Variants in STAMBP observed in about 807,000 individuals in gnomAD.
The protein encoded by STAMBP is STAM binding protein, also known as STAM-binding protein.
A neutral mutation model predicts 50.7 loss-of-function variants in STAMBP; 31 were observed. The observed-to-expected ratio is 0.61, with a 90% confidence interval of 0.46 to 0.83. The LOEUF (loss-of-function observed/expected upper bound fraction) is 0.83. Ranked by LOEUF, STAMBP falls within the 40% of genes least tolerant of loss-of-function variation. The pLI is 0.00. For synonymous variants in STAMBP, 211 were observed against 192.4 expected, an observed-to-expected ratio of 1.10 and a Z score of -0.80; for missense variants, 472 against 518.9, an observed-to-expected ratio of 0.91 and a Z score of 0.88.
chr2:73,873,507 C>T (rs764713482), exon 11 of STAMBP: 4 of 152,190 alleles, frequency 2.6e-5, no homozygotes, highest in Non-Finnish European at 5.9e-5. Context: ...TACTTATGAA[C>T]TTGGGAATAC....
rs1349687819 is a variant in STAMBP, at chr2:73,862,472, A to G, written c.*213A>G. Reference sequence around the variant, plus strand: ...CAGAAAGAGAACATGGTCACCCAAAAGCAACTGTAACTCAGAAATTAAGTT... The same window carrying G: ...CAGAAAGAGAACATGGTCACCCAAAGGCAACTGTAACTCAGAAATTAAGTT... On this transcript the variant is annotated 3_prime_UTR_variant, in exon 10 of 10. Transcript: ENST00000394070. The G allele has an allele frequency of 1.1e-5, 4 of 371,616 alleles. No individual in the cohort carries two copies. The highest frequency in any genetic ancestry group is 1.9e-5 in the Non-Finnish European group (4 of 205,612). The allele number at this position is 371,616 out of a possible 1,614,324, so 23.0% of individuals were successfully genotyped here.
chr2:73,852,741 G>A (rs1025412057), intron 7 of STAMBP, among the ~76,000 whole-genome samples: 1 of 151,994 alleles, frequency 6.6e-6, no homozygotes, highest in African/African-American at 2.4e-5. Flanking sequence ...GTGCAGTGGC[G>A]CAATCTTGGC....
At chr2:73,845,388 C>T in intron 4 of STAMBP, 126 bp downstream of exon 4, 1 of 673,684 alleles carries the variant, frequency 1.5e-6, no homozygotes, top group Non-Finnish European at 2.5e-6. Flanking sequence ...GGGCAAAGAC[C>T]AGAAACTCAA....
downstream of STAMBP, among the ~76,000 whole-genome samples, chr2:73,868,892 AAG>A (rs1679080221): frequency 6.6e-6 from 1 of 151,752 alleles, no homozygotes; most frequent in East Asian, 1.9e-4. Flanking sequence ...AAGAAAAAAA[AAG>A]AAAGCAAGAA....
Position 73,863,759 on chromosome 2 carries a change from C to T in STAMBP, c.*1500C>T, listed in dbSNP as rs1368796143. On this transcript the variant is annotated 3_prime_UTR_variant, in exon 10 of 10. Coordinates refer to ENST00000394070, the MANE Select transcript of STAMBP (RefSeq NM_213622.4). ...AGTCCTCTGCTTTTGGGAAATCCAT[C>T]CCCTTCTTCCCATTCTTTGTCTACC... 6.6e-6 allele frequency: 1 copy of T among 152,252 alleles called. No homozygotes were observed. Among genetic ancestry groups the T allele is most frequent in the Non-Finnish European group, 1.5e-5 (1 of 68,072 alleles). 9.4% of individuals were successfully genotyped at this position (152,252 alleles called of 1,614,324 possible).
At chr2:73,846,192 C>CT (rs921427216) in intron 4 of STAMBP, among the ~76,000 whole-genome samples, 30 of 145,894 alleles carry the variant, frequency 2.1e-4, no homozygotes, top group East Asian at 9.9e-4. Flanking sequence ...TTCTTTCTTT[C>CT]TTTTTTTTTT....
chr2:73,851,143 T>G (rs1676757574), intron 7 of STAMBP, among the ~76,000 whole-genome samples: 1 of 152,240 alleles, frequency 6.6e-6, no homozygotes, highest in Admixed American at 6.5e-5. Context: ...ACAAATAAAT[T>G]GGCTTATTCT....
intron 10 of STAMBP, among the ~76,000 whole-genome samples, chr2:73,872,563 C>T (rs1679242427): frequency 6.6e-6 from 1 of 152,190 alleles, no homozygotes; most frequent in South Asian, 2.1e-4. Context: ...TAAAGGAGCC[C>T]TACTCTCACA....
intron 7 of STAMBP, among the ~76,000 whole-genome samples, chr2:73,851,637 ATTTTTTT>A (rs61483994): frequency 7.4e-6 from 1 of 135,692 alleles, no homozygotes; most frequent in African/African-American, 2.7e-5. Flanking sequence ...ACAGTGGTAG[ATTTTTTT>A]TTTTTTTTTT....
At position 73,863,966 on chromosome 2, in the gene STAMBP, T is replaced by G. The variant is rs1375641397; in HGVS notation, c.*1707T>G. 1 of 152,222 alleles carries G rather than the reference T, an allele frequency of 6.6e-6. No individual in the cohort carries two copies. The highest frequency in any genetic ancestry group is 1.5e-5 in the Non-Finnish European group (1 of 68,050). The allele number at this position is 152,222 out of a possible 1,614,324, so 9.4% of individuals were successfully genotyped here. On this transcript the variant is annotated 3_prime_UTR_variant, in exon 10 of 10. Coordinates refer to ENST00000394070, the MANE Select transcript of STAMBP (RefSeq NM_213622.4). The stretch of plus-strand genomic sequence containing the variant: ...CTCAAAAACCTGCAATAGCTTCCCA[T>G]TGCTGAAAATCTAAATTTAGCTTTT...
At chr2:73,858,924 C>G (rs1045133495) in intron 7 of STAMBP, among the ~76,000 whole-genome samples, 8 of 151,838 alleles carry the variant, frequency 5.3e-5, no homozygotes, top group African/African-American at 1.5e-4. Flanking sequence ...CCCAGACCCC[C>G]CAATGGATGC....
chr2:73,836,971 G>T (rs1674790549), intron 2 of STAMBP, among the ~76,000 whole-genome samples: 1 of 152,180 alleles, frequency 6.6e-6, no homozygotes, highest in Non-Finnish European at 1.5e-5. Context: ...CTAGTGAAGG[G>T]GCTCTTAATC....
At chr2:73,835,832 T>A (rs1339848986) in intron 2 of STAMBP, among the ~76,000 whole-genome samples, 1 of 152,084 alleles carries the variant, frequency 6.6e-6, no homozygotes, top group Non-Finnish European at 1.5e-5. Flanking sequence ...AAATTTGAGA[T>A]GCCTGTGAGA....
At chr2:73,852,323 G>T (rs1262761114) in intron 7 of STAMBP, among the ~76,000 whole-genome samples, 1 of 152,104 alleles carries the variant, frequency 6.6e-6, no homozygotes, top group African/African-American at 2.4e-5. Flanking sequence ...CAAAAGTAGG[G>T]GATCCAGGAG....
At chr2:73,837,662 AC>A (rs1674896919) in intron 2 of STAMBP, among the ~76,000 whole-genome samples, 2 of 151,494 alleles carry the variant, frequency 1.3e-5, no homozygotes, top group African/African-American at 4.9e-5. Context: ...ATTTTTGAAA[AC>A]TGTTTTTCCA....
chr2:73,840,561 T>C (rs1274546941), intron 2 of STAMBP, among the ~76,000 whole-genome samples: 1 of 151,768 alleles, frequency 6.6e-6, no homozygotes, highest in African/African-American at 2.4e-5. Context: ...CTGGTCAACA[T>C]GGCGAAACCC....
intron 2 of STAMBP, among the ~76,000 whole-genome samples, chr2:73,832,899 T>C (rs1330784003): frequency 6.6e-6 from 1 of 152,030 alleles, no homozygotes; most frequent in Admixed American, 6.6e-5. Context: ...AATTGTAGAG[T>C]GGAGAAATGG....
intron 5 of STAMBP, among the ~76,000 whole-genome samples, 195 bp from the exon 6 acceptor site, chr2:73,849,168 C>T (rs1469955990): frequency 6.6e-6 from 1 of 152,168 alleles, no homozygotes; most frequent in Non-Finnish European, 1.5e-5. Context: ...GTGCTCCTTA[C>T]AGCTGTGGCC....
intron 2 of STAMBP, among the ~76,000 whole-genome samples, chr2:73,833,922 T>C (rs2104191904): frequency 6.6e-6 from 1 of 151,854 alleles, no homozygotes; most frequent in South Asian, 2.1e-4. Flanking sequence ...ATCAAAAATA[T>C]ACATATGGTC....
Sources: allele counts gnomAD v4.1 joint callset (sites outside exome capture counted in the v4.1 genomes callset), GRCh38; gene constraint gnomAD v4.1.1; transcripts MANE v1.5; gene names NCBI Gene and HGNC (gene_info 2026-07-23, HGNC 2026-07-21).